The following MDGA2 variants were observed in gnomAD, a reference collection of about 807,000 sequenced individuals.
MDGA2 encodes the protein MAM domain containing glycosylphosphatidylinositol anchor 2.
In MDGA2, 40 loss-of-function variants were observed where a neutral mutation model predicts 117.8. The observed-to-expected ratio is 0.34, with a 90% CI of 0.26 to 0.44. The LOEUF (loss-of-function observed/expected upper bound fraction) is 0.44, where lower values mean the gene tolerates loss of function less well. Among genes scored for constraint, MDGA2 ranks in the 20% least tolerant of loss-of-function variants. MDGA2 has a pLI of 1.00. For synonymous variants in MDGA2, 452 were observed against 439.0 expected (o/e 1.03, Z -0.37); for missense variants, 1,123 against 1,250.6 (o/e 0.90, Z 1.54).
At chr14:47,120,228 A>G (rs977207323) in intron 5 of MDGA2, among the ~76,000 whole-genome samples, 3 of 152,162 alleles carry the variant, frequency 2.0e-5, no homozygotes, top group African/African-American at 7.2e-5. Flanking sequence ...CCAAAATCCA[A>G]TACCTTGTCT....
intron 3 of MDGA2, among the ~76,000 whole-genome samples, chr14:47,176,249 C>A (rs1330999395): frequency 5.3e-5 from 8 of 152,104 alleles, no homozygotes; most frequent in African/African-American, 1.7e-4. Flanking sequence ...AGATTCAATG[C>A]CATCCCCATC....
At chr14:47,586,841 T>C (rs918991236) in intron 1 of MDGA2, among the ~76,000 whole-genome samples, 7 of 149,112 alleles carry the variant, frequency 4.7e-5, no homozygotes, top group Admixed American at 1.4e-4. Flanking sequence ...GGTCTCCACA[T>C]GCTTTGCTCT....
At chr14:47,056,821 A>G (rs1054086847) in intron 7 of MDGA2, among the ~76,000 whole-genome samples, 2 of 152,170 alleles carry the variant, frequency 1.3e-5, no homozygotes, top group African/African-American at 4.8e-5. Context: ...AGTGACAATA[A>G]TTAAGAATTT....
intron 1 of MDGA2, among the ~76,000 whole-genome samples, chr14:47,525,241 T>G (rs1158142592): frequency 2.0e-5 from 3 of 152,238 alleles, no homozygotes; most frequent in Non-Finnish European, 4.4e-5. Context: ...GTTTCTGGTT[T>G]AACGTTCCCA....
At chr14:47,351,228 C>T (rs1477299931) in intron 1 of MDGA2, among the ~76,000 whole-genome samples, 6 of 151,914 alleles carry the variant, frequency 3.9e-5, no homozygotes, top group Non-Finnish European at 8.8e-5. Context: ...ATTACAGGCG[C>T]CTGCCACCAT....
At chr14:47,010,633 A>C (rs950047147) in intron 8 of MDGA2, among the ~76,000 whole-genome samples, 1 of 151,978 alleles carries the variant, frequency 6.6e-6, no homozygotes, top group South Asian at 2.1e-4. Flanking sequence ...AAAACACATA[A>C]ATTTTGCATT....
intron 1 of MDGA2, among the ~76,000 whole-genome samples, chr14:47,640,249 T>C (rs959292947): frequency 3.9e-5 from 6 of 152,296 alleles, no homozygotes; most frequent in African/African-American, 1.4e-4. Flanking sequence ...TCATTTCTGC[T>C]CCCTGATGGT....
intron 1 of MDGA2, among the ~76,000 whole-genome samples, chr14:47,450,080 A>G (rs1893209176): frequency 6.6e-6 from 1 of 152,070 alleles, no homozygotes; most frequent in East Asian, 1.9e-4. Context: ...ATTATAATTA[A>G]CTAACACATG....
Position 47,096,972 on chromosome 14 carries a change from C to A in MDGA2, c.1077G>T (p.Leu359Phe). The change falls in exon 6 of 17, where the codon TTG becomes TTT. Residue 359 changes from leucine (L) to phenylalanine (F), a missense_variant. By Grantham distance (22) the Leu-to-Phe change is conservative. Coordinates refer to ENST00000399232, the MANE Select transcript of MDGA2 (RefSeq NM_001113498.3). ...SFGTLPEKTV[L>F]NGGTLTIPAI... ...CAGGTATGGTCAAAGTTCCTCCATT[C>A]AAAACAGTCTTTTCAGGCAGAGTCC... 1 of 1,613,308 alleles carries A rather than the reference C, an allele frequency of 6.2e-7. No homozygotes were observed. The highest frequency in any genetic ancestry group is 8.5e-7 in the Non-Finnish European group (1 of 1,179,500).
chr14:47,361,205 CTCTATATA>C (rs1891115282), intron 1 of MDGA2, among the ~76,000 whole-genome samples: 2 of 124,642 alleles, frequency 1.6e-5, no homozygotes, highest in South Asian at 2.7e-4. Flanking sequence ...CTCTCTCTCT[CTCTATATA>C]TATATATATA....
intron 14 of MDGA2, among the ~76,000 whole-genome samples, chr14:46,858,908 C>T (rs565868863): frequency 6.6e-6 from 1 of 152,242 alleles, no homozygotes; most frequent in South Asian, 2.1e-4. Flanking sequence ...GACTCTTCAG[C>T]TGTAATCTTT....
chr14:47,258,438 C>G (rs1480678799), intron 2 of MDGA2, among the ~76,000 whole-genome samples: 1 of 151,970 alleles, frequency 6.6e-6, no homozygotes, highest in Non-Finnish European at 1.5e-5. Context: ...ACAACCAGAT[C>G]TGAGAACTCA....
intron 1 of MDGA2, among the ~76,000 whole-genome samples, chr14:47,316,657 T>C (rs1319785117): frequency 6.6e-6 from 1 of 152,118 alleles, no homozygotes; most frequent in Admixed American, 6.6e-5. Flanking sequence ...TTCTGTCTAA[T>C]CAATCACTAG....
intron 3 of MDGA2, among the ~76,000 whole-genome samples, chr14:47,149,986 C>T (rs1883098238): frequency 6.6e-6 from 1 of 152,148 alleles, no homozygotes; most frequent in African/African-American, 2.4e-5. Context: ...CCCAACAATT[C>T]CAGAGCCAAG....
chr14:47,238,488 G>C (rs1886939375), intron 2 of MDGA2, among the ~76,000 whole-genome samples: 1 of 150,132 alleles, frequency 6.7e-6, no homozygotes, highest in Non-Finnish European at 1.5e-5. Context: ...TAATTCTAAG[G>C]GAAATCTGTA....
At chr14:47,662,623 A>G (rs571648499) in intron 1 of MDGA2, among the ~76,000 whole-genome samples, 8 of 152,314 alleles carry the variant, frequency 5.3e-5, no homozygotes, top group Admixed American at 5.2e-4. Context: ...AAGCAAGAAG[A>G]AGGCCACTTT....
chr14:46,841,919 G>T lies in MDGA2; in HGVS notation c.*12C>A. The T allele has an allele frequency of 3.2e-6, 5 of 1,577,152 alleles. No homozygotes were observed. Among genetic ancestry groups the T allele is most frequent in the Non-Finnish European group, 3.5e-6 (4 of 1,151,614 alleles). ...GCCTGGTGAATCTTTTATAGCCTCT[G>T]CCAGGATAAGGTCACCTTCGAGGAC... On this transcript the variant is annotated 3_prime_UTR_variant, in exon 17 of 17. Coordinates refer to ENST00000399232, the MANE Select transcript of MDGA2 (RefSeq NM_001113498.3).
chr14:47,297,506 A>C, intron 2 of MDGA2, among the ~76,000 whole-genome samples: 1 of 98,110 alleles, frequency 1.0e-5, no homozygotes, highest in Admixed American at 1.2e-4. Flanking sequence ...AGGGAAGGGA[A>C]GGGAAGGGAA....
intron 3 of MDGA2, among the ~76,000 whole-genome samples, chr14:47,209,291 G>C (rs1885799161): frequency 6.6e-6 from 1 of 152,084 alleles, no homozygotes; most frequent in Non-Finnish European, 1.5e-5. Flanking sequence ...CATATTGTAG[G>C]TCATCAGTTA....
Sources: allele counts gnomAD v4.1 joint callset (sites outside exome capture counted in the v4.1 genomes callset), GRCh38; gene constraint gnomAD v4.1.1; transcripts MANE v1.5; gene names NCBI Gene and HGNC (gene_info 2026-07-23, HGNC 2026-07-21).